The following BIRC6 variants were observed in gnomAD, a reference collection of about 807,000 sequenced individuals.
BIRC6 encodes baculoviral IAP repeat containing 6.
BIRC6 carries 98 observed loss-of-function variants against 503.3 expected under a neutral mutation model. The ratio of observed to expected loss-of-function variants is 0.19; its 90% CI spans 0.17 to 0.23. The LOEUF is 0.23. BIRC6 is among the 10% of genes least tolerant of loss of function. The probability of loss-of-function intolerance (pLI) is 1.00; values close to 1 mark genes in which losing one functional copy is unlikely to be tolerated. For synonymous variants in BIRC6, 2,240 were observed against 2,078.7 expected (o/e 1.08, Z -2.11); for missense variants, 5,360 against 5,806.0 (o/e 0.92, Z 2.50).
chr2:32,369,620 G>T (rs1025209833), intron 1 of BIRC6, among the ~76,000 whole-genome samples: 2 of 151,556 alleles, frequency 1.3e-5, no homozygotes, highest in African/African-American at 2.4e-5. Flanking sequence ...TAGAGACAGG[G>T]TTTCACCTTA....
chr2:32,448,616 G>A (rs748019751), intron 21 of BIRC6, among the ~76,000 whole-genome samples, 179 bp from the exon 22 acceptor site: 4 of 151,892 alleles, frequency 2.6e-5, no homozygotes, highest in African/African-American at 7.3e-5. Flanking sequence ...GTCCAGCTTC[G>A]GCTCGGCATC....
intron 9 of BIRC6, among the ~76,000 whole-genome samples, chr2:32,412,060 C>G (rs2041948429): frequency 6.6e-6 from 1 of 152,076 alleles, no homozygotes; most frequent in African/African-American, 2.4e-5. Context: ...GCTGGGATTA[C>G]AGGCATGCAC....
chr2:32,568,994 T>A lies in BIRC6; in HGVS notation c.13145-6162T>A, dbSNP rs541455293. Among the ~76,000 whole-genome samples, 26 of 150,530 alleles carry A rather than the reference T, an allele frequency of 1.7e-4. No homozygotes were observed. The South Asian group carries it at 5.5e-3, about 32-fold the overall frequency. On this transcript the variant is annotated intron_variant, in intron 65 of 73. Transcript: ENST00000421745. The stretch of plus-strand genomic sequence containing the variant: ...CTCCCATGTCTCTCTCTTTTTTTTT[T>A]TTTTTTTGAGATGGAGTCTCCCTCC...
chr2:32,467,599 G>A lies in BIRC6; in HGVS notation c.5431G>A (p.Asp1811Asn). The A allele has an allele frequency of 6.2e-7, 1 of 1,613,962 alleles. No homozygotes were observed. The highest frequency in any genetic ancestry group is 8.5e-7 in the Non-Finnish European group (1 of 1,179,868). Reference protein sequence around the residue: ...LTDVLIPTCGDLASLSIDIWT... With the variant: ...LTDVLIPTCGNLASLSIDIWT... Reference sequence around the variant, plus strand: ...TGATGTATTGATTCCCACTTGTGGAGACTTGGCCTCTTTGTCAATTGACAT... The same window carrying A: ...TGATGTATTGATTCCCACTTGTGGAAACTTGGCCTCTTTGTCAATTGACAT... The change falls in exon 27 of 74, where the codon GAC becomes AAC. Residue 1811 changes from aspartate (D) to asparagine (N), a missense_variant. Asp to Asn is a conservative substitution (Grantham distance 23). This residue lies in a region of BIRC6 where 2,299 missense variants were observed against 2,267.2 expected (regional missense o/e 1.01). Coordinates refer to ENST00000421745, the MANE Select transcript of BIRC6 (RefSeq NM_016252.4).
intron 23 of BIRC6, among the ~76,000 whole-genome samples, chr2:32,462,094 TA>T (rs1019425077): frequency 3.9e-5 from 6 of 151,938 alleles, no homozygotes; most frequent in Non-Finnish European, 7.4e-5. Context: ...GCCTGGGCCA[TA>T]AAGTTGCCCA....
chr2:32,460,268 ATATATTTTTTTTTT>A lies in BIRC6; in HGVS notation c.4754-2924_4754-2911del, dbSNP rs1371908672. ...ATGATATATATATATATATATATATATATATTTTTTTTTTTTTTTTTTTTTTTTTGACATGGAGT... is the reference window on the plus strand; with the variant it reads ...ATGATATATATATATATATATATATATTTTTTTTTTTTTTTGACATGGAGT... On this transcript the variant is annotated intron_variant, in intron 23 of 73. Coordinates refer to ENST00000421745, the MANE Select transcript of BIRC6 (RefSeq NM_016252.4). Among the ~76,000 whole-genome samples the A allele has an allele frequency of 2.7e-4, 7 of 25,998 alleles. 1 individual carries two copies. The highest frequency in any genetic ancestry group is 1.4e-3 in the Admixed American group (2 of 1,410). The allele number at this position is 25,998 out of a possible 152,430, so 17.1% of individuals were successfully genotyped here. A position where few individuals can be genotyped will look rare whatever the true frequency, so the allele number is the denominator to read the frequency against.
At chr2:32,375,607 T>TA in intron 1 of BIRC6, among the ~76,000 whole-genome samples, 1 of 152,256 alleles carries the variant, frequency 6.6e-6, no homozygotes, top group Admixed American at 6.5e-5. Flanking sequence ...AATTGCTTGA[T>TA]ACGTACCATA....
At chr2:32,433,604 G>T in intron 12 of BIRC6, 40 bp from the exon 13 acceptor site, 3 of 1,486,570 alleles carry the variant, frequency 2.0e-6, no homozygotes, top group Non-Finnish European at 2.7e-6. Context: ...GCTGAAGAAA[G>T]ATTTTTGCTT....
In BIRC6 at chr2:32,480,621, C is replaced by CTTTTTTTTT. The variant is rs560251664; in HGVS notation, c.7409-670_7409-662dup. On this transcript the variant is annotated intron_variant, in intron 37 of 73. Coordinates refer to ENST00000421745, the MANE Select transcript of BIRC6 (RefSeq NM_016252.4). ...CATAACAGAAAAATAAGGTAAATGG[C>CTTTTTTTTT]TTTTTTTTTTTTTTTTTTTTTTTTT... Among the ~76,000 whole-genome samples the CTTTTTTTTT allele has an allele frequency of 1.3e-3, 78 of 60,740 alleles. 18 individuals carry two copies. The highest frequency in any genetic ancestry group is 9.8e-3 in the East Asian group (8 of 816). The allele number at this position is 60,740 out of a possible 152,430, so 39.8% of individuals were successfully genotyped here.
At chr2:32,519,788 G>A (rs1171617174) in intron 57 of BIRC6, among the ~76,000 whole-genome samples, 1 of 152,164 alleles carries the variant, frequency 6.6e-6, no homozygotes, top group Non-Finnish European at 1.5e-5. Flanking sequence ...AAATTGCTGG[G>A]ATTACAGGTG....
chr2:32,474,725 AT>A (rs1204064366), intron 33 of BIRC6, among the ~76,000 whole-genome samples: 1 of 152,092 alleles, frequency 6.6e-6, no homozygotes, highest in African/African-American at 2.4e-5. Flanking sequence ...ATTAAAAATG[AT>A]TTTTTTCTTG....
At chr2:32,370,620 A>G (rs1217938410) in intron 1 of BIRC6, among the ~76,000 whole-genome samples, 1 of 152,124 alleles carries the variant, frequency 6.6e-6, no homozygotes, top group East Asian at 1.9e-4. Flanking sequence ...TTCTCTTATT[A>G]AATGATTTCA....
chr2:32,390,104 C>A (rs569754443), intron 4 of BIRC6, among the ~76,000 whole-genome samples: 1 of 152,132 alleles, frequency 6.6e-6, no homozygotes, highest in African/African-American at 2.4e-5. Flanking sequence ...AGGTGATCTA[C>A]CTGCCTTGGC....
At chr2:32,592,621 G>A (rs2061453088) in intron 66 of BIRC6, among the ~76,000 whole-genome samples, 1 of 151,510 alleles carries the variant, frequency 6.6e-6, no homozygotes, top group African/African-American at 2.4e-5. Context: ...GGGAGATGGG[G>A]TTTCACTCTT....
chr2:32,496,897 A>C (rs1033304678), intron 45 of BIRC6, among the ~76,000 whole-genome samples: 2 of 152,096 alleles, frequency 1.3e-5, no homozygotes, highest in African/African-American at 4.8e-5. Flanking sequence ...ACTCGTTCGG[A>C]CTTCAAGTAT....
chr2:32,395,045 G>C (rs1044695988), intron 5 of BIRC6, among the ~76,000 whole-genome samples: 1 of 152,080 alleles, frequency 6.6e-6, no homozygotes. Flanking sequence ...CCAGCCACTC[G>C]GGAGGCTGAG....
chr2:32,413,483 A>G (rs2042107490), intron 9 of BIRC6, among the ~76,000 whole-genome samples: 2 of 151,644 alleles, frequency 1.3e-5, no homozygotes, highest in Admixed American at 6.6e-5. Context: ...CCCAGCCTCT[A>G]ATTTTTTGTA....
intron 45 of BIRC6, among the ~76,000 whole-genome samples, chr2:32,496,208 T>C (rs1181190383): frequency 1.3e-5 from 2 of 152,050 alleles, no homozygotes; most frequent in African/African-American, 4.8e-5. Flanking sequence ...CAATCAATGA[T>C]ACTTGTTTTG....
chr2:32,541,429 G>A (rs2057656122), intron 61 of BIRC6, among the ~76,000 whole-genome samples: 1 of 152,058 alleles, frequency 6.6e-6, no homozygotes, highest in Non-Finnish European at 1.5e-5. Flanking sequence ...ACTGATCTAA[G>A]CTGTAGATCA....
Sources: allele counts gnomAD v4.1 joint callset (sites outside exome capture counted in the v4.1 genomes callset), GRCh38; gene constraint gnomAD v4.1.1; regional missense constraint gnomAD v4.1.1; transcripts MANE v1.5; gene names NCBI Gene and HGNC (gene_info 2026-07-23, HGNC 2026-07-21).